GPC6: variants seen among roughly 807,000 people sequenced by gnomAD.
GPC6 encodes glypican 6.
Under a neutral mutation model 55.2 loss-of-function variants are expected in GPC6, and 14 were observed. That is an observed-to-expected ratio of 0.25 (90% CI 0.17 to 0.40). The LOEUF (loss-of-function observed/expected upper bound fraction) is 0.40, where lower values mean the gene tolerates loss of function less well. Ranked by LOEUF, GPC6 falls within the 10% of genes least tolerant of loss-of-function variation. GPC6 has a pLI of 1.00. For synonymous variants in GPC6, 278 were observed against 259.6 expected (o/e 1.07, Z -0.68); for missense variants, 641 against 708.5 (o/e 0.90, Z 1.08).
intron 2 of GPC6, among the ~76,000 whole-genome samples, chr13:93,772,359 T>G (rs1885330154): frequency 6.6e-6 from 1 of 152,018 alleles, no homozygotes; most frequent in South Asian, 2.1e-4. Flanking sequence ...TGTGCTCACT[T>G]GGGTTTGCAA....
Position 93,846,282 on chromosome 13 carries a change from A to C in GPC6, c.711+15737A>C, listed in dbSNP as rs570643529. ...TTACTTGCCAGCCACTATGCTAAGT[A>C]CTTTTTACACCTTGCCATTTAGCCC... On this transcript the variant is annotated intron_variant, in intron 3 of 8. Transcript: ENST00000377047. Among the ~76,000 whole-genome samples, 6 of 152,304 alleles carry C rather than the reference A, an allele frequency of 3.9e-5. No homozygotes were observed. In the South Asian group the frequency reaches 1.2e-3, roughly 32 times the overall value.
chr13:94,078,535 A>G (rs1215840378), intron 4 of GPC6, among the ~76,000 whole-genome samples: 2 of 151,932 alleles, frequency 1.3e-5, no homozygotes, highest in Non-Finnish European at 2.9e-5. Flanking sequence ...AGAAGCAGCA[A>G]ATAAAATTAA....
At chr13:93,984,308 C>A (rs900366534) in intron 3 of GPC6, among the ~76,000 whole-genome samples, 1 of 152,076 alleles carries the variant, frequency 6.6e-6, no homozygotes, top group Non-Finnish European at 1.5e-5. Flanking sequence ...TTGTTTGATG[C>A]ATGAAGGAGG....
chr13:94,383,032 A>G (rs1880238106), intron 7 of GPC6, among the ~76,000 whole-genome samples: 2 of 152,176 alleles, frequency 1.3e-5, no homozygotes, highest in African/African-American at 4.8e-5. Context: ...ACACTGAGAA[A>G]TGGTTCTAAT....
rs574139161 is a variant in GPC6 at position 93,912,587 on chromosome 13, C to CA, written c.711+82048dup. 5.7e-4 allele frequency among the ~76,000 whole-genome samples: 87 copies of CA among 152,062 alleles called. 2 individuals are homozygous for CA. In the East Asian group the frequency reaches 0.011, roughly 19 times the overall value. ...TGAAACCCCATCTCTACTAAAAATACAAAAAATTAGCCTGGTGTGGTGGCG... is the reference window on the plus strand; with the variant it reads ...TGAAACCCCATCTCTACTAAAAATACAAAAAAATTAGCCTGGTGTGGTGGCG... On this transcript the variant is annotated intron_variant, in intron 3 of 8. Transcript: ENST00000377047.
chr13:93,564,142 G>A (rs117519332), intron 2 of GPC6, among the ~76,000 whole-genome samples: 3,820 of 151,950 alleles, frequency 0.025, 73 homozygotes, highest in Admixed American at 0.04. Flanking sequence ...ACATGATAAC[G>A]TTTCCATTAA....
chr13:94,289,881 T>C (rs1308698254), intron 5 of GPC6, among the ~76,000 whole-genome samples: 1 of 152,202 alleles, frequency 6.6e-6, no homozygotes, highest in Non-Finnish European at 1.5e-5. Flanking sequence ...GGAATATCTT[T>C]GCAAATTAAA....
intron 1 of GPC6, among the ~76,000 whole-genome samples, chr13:93,231,512 T>G (rs1186633415): frequency 6.7e-6 from 1 of 150,206 alleles, no homozygotes; most frequent in Non-Finnish European, 1.5e-5. Flanking sequence ...ACGTTTCTAT[T>G]TTGTTCCAAC....
chr13:93,249,033 C>T (rs776840440), intron 1 of GPC6, among the ~76,000 whole-genome samples: 1 of 152,144 alleles, frequency 6.6e-6, no homozygotes, highest in Non-Finnish European at 1.5e-5. Flanking sequence ...TCATTGTTTA[C>T]AGACATTGTA....
intron 1 of GPC6, among the ~76,000 whole-genome samples, chr13:93,414,636 G>T (rs910649478): frequency 2.6e-5 from 4 of 152,134 alleles, no homozygotes; most frequent in Non-Finnish European, 5.9e-5. Flanking sequence ...CTTCTGGTGG[G>T]AATGAGTATG....
intron 4 of GPC6, among the ~76,000 whole-genome samples, chr13:94,205,096 C>T (rs1594055306): frequency 6.6e-6 from 1 of 152,132 alleles, no homozygotes; most frequent in African/African-American, 2.4e-5. Flanking sequence ...AACATTTTAT[C>T]GTGTGCCAAA....
At chr13:93,798,182 T>C (rs561414129) in intron 2 of GPC6, among the ~76,000 whole-genome samples, 1 of 152,252 alleles carries the variant, frequency 6.6e-6, no homozygotes, top group Non-Finnish European at 1.5e-5. Context: ...GTCACATCTC[T>C]GCTCCAGGTA....
chr13:93,230,399 G>A (rs979422531), intron 1 of GPC6, among the ~76,000 whole-genome samples: 2 of 152,084 alleles, frequency 1.3e-5, no homozygotes, highest in Admixed American at 6.5e-5. Flanking sequence ...GAGAATGCTT[G>A]GGAAGGAGGA....
chr13:94,356,080 T>C (rs1878778566), intron 6 of GPC6, among the ~76,000 whole-genome samples: 1 of 151,492 alleles, frequency 6.6e-6, no homozygotes, highest in South Asian at 2.1e-4. Context: ...GCAAAGGACA[T>C]GTCCCTGCAG....
rs148138839 is a variant in GPC6 at position 94,103,399 on chromosome 13, C to T, written c.877+75505C>T. On this transcript the variant is annotated intron_variant, in intron 4 of 8. Transcript: ENST00000377047. ...TGATTTATAATCCTTTGGGTATATA[C>T]CCAGTAATGGGATCACTGGGTCAAA... 2.3e-3 allele frequency among the ~76,000 whole-genome samples: 352 copies of T among 152,238 alleles called. 1 individual carries two copies. Among genetic ancestry groups the T allele is most frequent in the African/African-American group, 8.3e-3 (345 of 41,556 alleles).
At chr13:94,350,530 AT>A (rs1426452365) in intron 6 of GPC6, among the ~76,000 whole-genome samples, 1 of 152,224 alleles carries the variant, frequency 6.6e-6, no homozygotes, top group African/African-American at 2.4e-5. Context: ...TTGGTTGCCC[AT>A]TGTGGTACCC....
rs547215106 is a variant in GPC6 at position 93,739,505 on chromosome 13, C to T, written c.320-90649C>T. Among the ~76,000 whole-genome samples the T allele has an allele frequency of 1.3e-4, 19 of 150,972 alleles. No homozygotes were observed. The East Asian group carries it at 3.3e-3, about 26-fold the overall frequency. ...AGTGCAGTGGTGCGATTTCGGCTCA[C>T]TGCAAGCTCTGCCTCCCGGGTTCGC... On this transcript the variant is annotated intron_variant, in intron 2 of 8. Transcript: ENST00000377047.
intron 3 of GPC6, among the ~76,000 whole-genome samples, chr13:93,908,291 A>C (rs1048111226): frequency 6.6e-6 from 1 of 152,192 alleles, no homozygotes; most frequent in Admixed American, 6.5e-5. Flanking sequence ...AAGTATGTCA[A>C]GGTCAGATAA....
At chr13:93,960,995 T>C (rs1008035120) in intron 3 of GPC6, among the ~76,000 whole-genome samples, 1 of 151,918 alleles carries the variant, frequency 6.6e-6, no homozygotes. Flanking sequence ...TTGTATTTTT[T>C]AGTAGAGGCG....
Sources: gnomAD v4.1 joint callset for allele counts (sites outside exome capture counted in the v4.1 genomes callset) on GRCh38, gnomAD v4.1.1 for gene constraint, MANE v1.5 for transcripts, NCBI Gene and HGNC (gene_info 2026-07-23, HGNC 2026-07-21) for gene names.